The following NOL4 variants were observed in gnomAD, a reference collection of about 807,000 sequenced individuals.
The protein encoded by NOL4 is nucleolar protein 4.
A neutral mutation model predicts 75.9 loss-of-function variants in NOL4; 17 were observed. The observed-to-expected ratio is 0.22, with a 90% CI of 0.15 to 0.34. The LOEUF (loss-of-function observed/expected upper bound fraction) is 0.34. Ranked by LOEUF, NOL4 falls within the 10% of genes least tolerant of loss-of-function variation. NOL4 has a pLI of 1.00. For synonymous variants in NOL4, 292 were observed against 289.9 expected, an observed-to-expected ratio of 1.01 and a Z score of -0.07; for missense variants, 614 against 793.5, an observed-to-expected ratio of 0.77 and a Z score of 2.72.
chr18:34,216,934 C>A (rs376180602), intron 1 of NOL4, among the ~76,000 whole-genome samples: 1 of 151,964 alleles, frequency 6.6e-6, no homozygotes, highest in Non-Finnish European at 1.5e-5. Flanking sequence ...TTTTCTTATT[C>A]TTACTTAAAT....
intron 6 of NOL4, among the ~76,000 whole-genome samples, chr18:34,017,494 T>G (rs1376485016): frequency 1.3e-5 from 2 of 152,142 alleles, no homozygotes; most frequent in Non-Finnish European, 2.9e-5. Flanking sequence ...TTTAGCAAAT[T>G]TTCAATAGAT....
chr18:33,971,710 C>T (rs939450651), intron 6 of NOL4, among the ~76,000 whole-genome samples: 1 of 152,066 alleles, frequency 6.6e-6, no homozygotes, highest in Non-Finnish European at 1.5e-5. Flanking sequence ...GGGCACTGTT[C>T]CTGCCTGCAA....
At chr18:34,179,794 G>T (rs1362475649) in intron 1 of NOL4, among the ~76,000 whole-genome samples, 1 of 151,492 alleles carries the variant, frequency 6.6e-6, no homozygotes, top group Admixed American at 6.6e-5. Context: ...CCAGAAAGCA[G>T]GCCCCTATCA....
chr18:33,877,437 T>TAACAAAAAAAAA (rs1555641396), intron 10 of NOL4, among the ~76,000 whole-genome samples: 4 of 106,242 alleles, frequency 3.8e-5, no homozygotes, highest in African/African-American at 1.4e-4. Context: ...GACCTTGCCT[T>TAACAAAAAAAAA]AAAAAAAAAA....
At chr18:33,882,165 A>AT (rs1464050602) in intron 10 of NOL4, among the ~76,000 whole-genome samples, 1 of 152,228 alleles carries the variant, frequency 6.6e-6, no homozygotes, top group African/African-American at 2.4e-5. Flanking sequence ...CATGTCTAAA[A>AT]CACCAAAAGC....
intron 6 of NOL4, among the ~76,000 whole-genome samples, chr18:33,967,358 T>TAAAAAAAAA (rs138212246): frequency 6.6e-6 from 1 of 152,090 alleles, no homozygotes; most frequent in Non-Finnish European, 1.5e-5. Flanking sequence ...TCTCAAACTA[T>TAAAAAAAAA]AAAAATTCTA....
chr18:34,027,946 T>C (rs1268171324), intron 5 of NOL4, among the ~76,000 whole-genome samples: 1 of 152,194 alleles, frequency 6.6e-6, no homozygotes, highest in African/African-American at 2.4e-5. Context: ...GTATATATAT[T>C]CATTTTCATT....
chr18:34,015,845 C>T (rs9961282), intron 6 of NOL4, among the ~76,000 whole-genome samples: 2,935 of 152,208 alleles, frequency 0.019, 93 homozygotes, highest in African/African-American at 0.068. Flanking sequence ...ATTCGTCATC[C>T]ACTTAGGCAA....
chr18:34,130,447 A>G (rs1476505478), intron 1 of NOL4, among the ~76,000 whole-genome samples: 1 of 152,060 alleles, frequency 6.6e-6, no homozygotes, highest in Non-Finnish European at 1.5e-5. Context: ...GAGAAATGAA[A>G]AAAATGATAC....
intron 1 of NOL4, among the ~76,000 whole-genome samples, chr18:34,184,987 T>A (rs2034343899): frequency 6.6e-6 from 1 of 152,190 alleles, no homozygotes; most frequent in Admixed American, 6.5e-5. Flanking sequence ...GATTAGGGAC[T>A]CAAAATTTTC....
At chr18:34,109,633 GC>G (rs1356846295) in intron 2 of NOL4, among the ~76,000 whole-genome samples, 1 of 151,426 alleles carries the variant, frequency 6.6e-6, no homozygotes, top group Non-Finnish European at 1.5e-5. Flanking sequence ...ACAAATTATG[GC>G]CAAAGTTAAC....
intron 1 of NOL4, among the ~76,000 whole-genome samples, chr18:34,195,023 C>A (rs1472311233): frequency 7.3e-6 from 1 of 137,324 alleles, no homozygotes; most frequent in Admixed American, 7.7e-5. Flanking sequence ...AGCGAAACTC[C>A]GTCTCAAAAA....
chr18:34,096,338 A>T (rs933710392), intron 4 of NOL4, among the ~76,000 whole-genome samples: 5 of 152,092 alleles, frequency 3.3e-5, no homozygotes, highest in Admixed American at 3.3e-4. Context: ...TTCAATTGTT[A>T]TACTTTTGTT....
chr18:33,903,379 T>C (rs1240679290), intron 9 of NOL4, among the ~76,000 whole-genome samples: 2 of 152,174 alleles, frequency 1.3e-5, no homozygotes, highest in Non-Finnish European at 2.9e-5. Flanking sequence ...GGGATTACAA[T>C]TCAAGATGAA....
intron 1 of NOL4, among the ~76,000 whole-genome samples, chr18:34,171,969 C>T (rs1166727979): frequency 1.3e-5 from 2 of 152,008 alleles, no homozygotes; most frequent in African/African-American, 4.8e-5. Context: ...CAATACAATA[C>T]CCAGCAATGA....
intron 8 of NOL4, among the ~76,000 whole-genome samples, chr18:33,944,227 T>G (rs976703271): frequency 3.9e-5 from 6 of 151,932 alleles, no homozygotes; most frequent in African/African-American, 1.4e-4. Flanking sequence ...AAGCCTGAAC[T>G]AATTGAGACC....
At chr18:34,116,547 A>G (rs570028714) in intron 2 of NOL4, among the ~76,000 whole-genome samples, 6 of 152,230 alleles carry the variant, frequency 3.9e-5, no homozygotes, top group Non-Finnish European at 8.8e-5. Flanking sequence ...CTAATTTGCA[A>G]AACTCATCTT....
chr18:34,146,546 C>T (rs182984951), intron 1 of NOL4, among the ~76,000 whole-genome samples: 2 of 152,020 alleles, frequency 1.3e-5, no homozygotes, highest in East Asian at 1.9e-4. Context: ...AGATGCGTGG[C>T]GTTATTTCTG....
At chr18:34,177,506 T>G (rs1038235195) in intron 1 of NOL4, among the ~76,000 whole-genome samples, 2 of 151,946 alleles carry the variant, frequency 1.3e-5, no homozygotes, top group African/African-American at 2.4e-5. Context: ...TGGTTTAGCA[T>G]GAAAACTGAG....
Sources: allele counts gnomAD v4.1 joint callset (sites outside exome capture counted in the v4.1 genomes callset), GRCh38; gene constraint gnomAD v4.1.1; transcripts MANE v1.5; gene names NCBI Gene and HGNC (gene_info 2026-07-23, HGNC 2026-07-21).